Variants in GALNT3 observed in about 807,000 individuals in gnomAD.
The protein encoded by GALNT3 is polypeptide N-acetylgalactosaminyltransferase 3.
GALNT3 carries 51 observed loss-of-function variants against 69.8 expected under a neutral mutation model. That is an observed-to-expected ratio of 0.73 (90% CI 0.58 to 0.92). The LOEUF is 0.92. Among genes scored for constraint, GALNT3 ranks in the 40% least tolerant of loss-of-function variants. The pLI, the probability that GALNT3 is intolerant of heterozygous loss-of-function variation, is 0.00. For synonymous variants in GALNT3, 265 were observed against 248.5 expected (o/e 1.07, Z -0.63); for missense variants, 711 against 760.0 (o/e 0.94, Z 0.76).
At chr2:165,771,880 G>A (rs1185022701) in intron 1 of GALNT3, among the ~76,000 whole-genome samples, 1 of 152,076 alleles carries the variant, frequency 6.6e-6, no homozygotes, top group East Asian at 1.9e-4. Context: ...CTGGCTTTTG[G>A]CAGGAAATTT....
intron 2 of GALNT3, among the ~76,000 whole-genome samples, chr2:165,767,155 G>A (rs1241013318): frequency 6.6e-6 from 1 of 151,416 alleles, no homozygotes; most frequent in South Asian, 2.1e-4. Context: ...CAACTACACA[G>A]AAATAAATGA....
At chr2:165,771,543 A>C (rs1688752277) in intron 1 of GALNT3, 1 of 152,180 alleles carries the variant, frequency 6.6e-6, no homozygotes, top group Non-Finnish European at 1.5e-5. Flanking sequence ...AAAAAAGCAG[A>C]ATTTGGTTTG....
At chr2:165,789,518 T>C (rs959581026) in intron 1 of GALNT3, among the ~76,000 whole-genome samples, 1 of 152,184 alleles carries the variant, frequency 6.6e-6, no homozygotes, top group African/African-American at 2.4e-5. Context: ...TCTGGATTTC[T>C]GGTATGGCAC....
At chr2:165,773,221 G>T (rs928239981) in intron 1 of GALNT3, among the ~76,000 whole-genome samples, 12 of 152,190 alleles carry the variant, frequency 7.9e-5, no homozygotes, top group African/African-American at 2.9e-4. Context: ...AATCATGGGG[G>T]TGGTTTCCCC....
Position 165,770,659 on chromosome 2 carries a change from T to C in GALNT3, c.42A>G (p.Arg14=), listed in dbSNP as rs1688736368. 6.2e-7 allele frequency: 1 copy of C among 1,603,528 alleles called. No homozygotes were observed. Among genetic ancestry groups the C allele is most frequent in the Non-Finnish European group, 8.5e-7 (1 of 1,178,136 alleles). The change falls in exon 2 of 11, where the codon AGA becomes AGG. Residue 14 remains arginine (R), a synonymous_variant. Coordinates refer to ENST00000392701, the MANE Select transcript of GALNT3 (RefSeq NM_004482.4). ...LKRLVKLHIK[R]HYHKKFWKLG... ...GCTTCCAGAACTTTTTATGGTAATG[T>C]CTTTTAATGTGTAATTTTACTAGTC...
intron 1 of GALNT3, among the ~76,000 whole-genome samples, chr2:165,786,163 AG>A (rs1344310056): frequency 6.6e-6 from 1 of 152,208 alleles, no homozygotes; most frequent in Non-Finnish European, 1.5e-5. Context: ...CATAATAGGA[AG>A]TCAGTAGATA....
At chr2:165,749,618 A>C in intron 10 of GALNT3, 124 bp downstream of exon 10, 1 of 888,494 alleles carries the variant, frequency 1.1e-6, no homozygotes, top group Non-Finnish European at 1.9e-6. Flanking sequence ...ATAATAACAA[A>C]GTTAATAAAG....
intron 2 of GALNT3, among the ~76,000 whole-genome samples, chr2:165,769,829 A>T (rs1688717287): frequency 6.6e-6 from 1 of 152,206 alleles, no homozygotes; most frequent in Non-Finnish European, 1.5e-5. Flanking sequence ...AAATGGAAAC[A>T]ATTCCTCTAC....
chr2:165,750,929 A>G (rs1180956213), intron 9 of GALNT3, among the ~76,000 whole-genome samples: 2 of 152,056 alleles, frequency 1.3e-5, no homozygotes, highest in East Asian at 1.9e-4. Context: ...TCAAGAGCCA[A>G]CTCAAATACT....
chr2:165,780,148 T>A (rs900243409), intron 1 of GALNT3, among the ~76,000 whole-genome samples: 3 of 152,166 alleles, frequency 2.0e-5, no homozygotes, highest in Admixed American at 2.0e-4. Flanking sequence ...ACAGCTCCAG[T>A]CTTGCCACCA....
intron 3 of GALNT3, among the ~76,000 whole-genome samples, chr2:165,764,579 T>C (rs958779404): frequency 6.6e-6 from 1 of 152,198 alleles, no homozygotes; most frequent in African/African-American, 2.4e-5. Flanking sequence ...GGAAAAGAGC[T>C]GGGATTCAAA....
intron 1 of GALNT3, among the ~76,000 whole-genome samples, chr2:165,793,018 A>G (rs959518690): frequency 7.9e-5 from 12 of 152,170 alleles, no homozygotes; most frequent in African/African-American, 2.9e-4. Flanking sequence ...AAGAATCGGA[A>G]ATATTGGTAA....
intron 2 of GALNT3, among the ~76,000 whole-genome samples, chr2:165,767,869 C>CTTT (rs34044047): frequency 3.2e-4 from 26 of 82,472 alleles, no homozygotes; most frequent in South Asian, 4.4e-4. Context: ...AAAAACAAAT[C>CTTT]TTTTTTTTTT....
At chr2:165,762,974 T>C (rs1304624160) in intron 3 of GALNT3, among the ~76,000 whole-genome samples, 35 of 151,504 alleles carry the variant, frequency 2.3e-4, no homozygotes, top group African/African-American at 1.2e-4. Flanking sequence ...TTTTCTTTTT[T>C]TTTTTTTTTA....
intron 4 of GALNT3, among the ~76,000 whole-genome samples, chr2:165,760,453 C>A (rs1178959888): frequency 2.0e-5 from 3 of 152,138 alleles, no homozygotes; most frequent in African/African-American, 7.2e-5. Flanking sequence ...TTCTGGGCTC[C>A]CCACAAAGCA....
rs140452696 is a variant in GALNT3, at chr2:165,770,536, G to T, written c.165C>A (p.Asn55Lys). The change falls in exon 2 of 11, where the codon AAC (asparagine) becomes AAA (lysine). Residue 55 changes from asparagine to lysine, a missense_variant. Transcript: ENST00000392701. ...CCAACATCTTGTTTTTGTTTTTCAT[G>T]TTCCTTTCCATCCTTGATTCCTCTT... ...YSKEESRMER[N>K]MKNKNKMLDL... The T allele has an allele frequency of 6.2e-7, 1 of 1,613,910 alleles. No homozygotes were observed. The highest frequency in any genetic ancestry group is 1.1e-5 in the South Asian group (1 of 91,058).
chr2:165,763,767 C>T (rs762143920), intron 3 of GALNT3, among the ~76,000 whole-genome samples: 2 of 152,128 alleles, frequency 1.3e-5, no homozygotes, highest in African/African-American at 2.4e-5. Flanking sequence ...TATCTGCACC[C>T]TAAATTTAGC....
intron 1 of GALNT3, among the ~76,000 whole-genome samples, chr2:165,782,038 G>T (rs750661780): frequency 6.6e-6 from 1 of 152,126 alleles, no homozygotes; most frequent in East Asian, 1.9e-4. Flanking sequence ...AAGTTTAGGG[G>T]AGTCTACAGC....
intron 6 of GALNT3, among the ~76,000 whole-genome samples, chr2:165,757,949 T>C (rs1265365404): frequency 6.6e-6 from 1 of 152,226 alleles, no homozygotes; most frequent in African/African-American, 2.4e-5. Flanking sequence ...TTTAATACTA[T>C]GTGCTTGTAG....
Sources: allele counts gnomAD v4.1 joint callset (sites outside exome capture counted in the v4.1 genomes callset), GRCh38; gene constraint gnomAD v4.1.1; transcripts MANE v1.5; gene names NCBI Gene and HGNC (gene_info 2026-07-23, HGNC 2026-07-21).